NID1: variants seen among roughly 807,000 people sequenced by gnomAD.
NID1 encodes the protein nidogen 1, also known as nidogen-1.
NID1 carries 76 observed loss-of-function variants against 130.6 expected under a neutral mutation model. The ratio of observed to expected loss-of-function variants is 0.58; its 90% confidence interval spans 0.48 to 0.70. The LOEUF is 0.70. Among genes scored for constraint, NID1 ranks in the 30% least tolerant of loss-of-function variants. The probability of loss-of-function intolerance (pLI) is 0.00; values close to 1 mark genes in which losing one functional copy is unlikely to be tolerated. For missense variants in NID1, 1,517 were observed against 1,664.8 expected (o/e 0.91, Z 1.54); for synonymous variants, 665 against 675.1 (o/e 0.98, Z 0.23).
At chr1:236,006,903 G>A (rs1658264414) in intron 12 of NID1, among the ~76,000 whole-genome samples, 1 of 152,184 alleles carries the variant, frequency 6.6e-6, no homozygotes, top group African/African-American at 2.4e-5. Context: ...GAGAGAGGAG[G>A]AAGTGGAGGC....
At position 235,977,961 on chromosome 1, in the gene NID1, C is replaced by G; in HGVS notation, c.3650G>C (p.Gly1217Ala). Reference sequence around the variant, plus strand: ...GGCCAAGCATAGGTGGGTGCAGCCGCCATTGTTCACTGAGCAGTAGTTATG... The same window carrying G: ...GGCCAAGCATAGGTGGGTGCAGCCGGCATTGTTCACTGAGCAGTAGTTATG... ...QGHNYCSVNN[G>A]GCTHLCLATP... The change falls in exon 20 of 20, where the codon GGC (glycine) becomes GCC (alanine). Residue 1217 changes from glycine to alanine, a missense_variant. Gly to Ala is a moderately conservative substitution (Grantham distance 60). Transcript: ENST00000264187. 6.2e-7 allele frequency: 1 copy of G among 1,614,146 alleles called. No homozygotes were observed. Among genetic ancestry groups the G allele is most frequent in the Non-Finnish European group, 8.5e-7 (1 of 1,180,008 alleles).
At chr1:235,996,870 T>G (rs1012291476) in intron 12 of NID1, among the ~76,000 whole-genome samples, 2 of 152,114 alleles carry the variant, frequency 1.3e-5, no homozygotes, top group Non-Finnish European at 2.9e-5. Flanking sequence ...GTTTTGCTCT[T>G]GTTGCCTGGG....
Position 235,985,403 on chromosome 1 carries a change from C to G in NID1, c.3031G>C (p.Glu1011Gln), listed in dbSNP as rs1290256109. The part of the protein sequence containing the change: ...SIGRASLHGG[E>Q]PTTIIRQDLG... The stretch of plus-strand genomic sequence containing the variant: ...CCTTGTCTAATGATGGTGGTTGGCT[C>G]TCCACCATGTAGACTAGCTCTCCCA... The change falls in exon 15 of 20, where the codon GAG becomes CAG. Residue 1011 changes from glutamate (E) to glutamine (Q), a missense_variant. Glu to Gln is a conservative substitution (Grantham distance 29). Around this residue, in one of 3 missense-constraint regions of NID1, gnomAD observed 1,329 missense variants for 1,429.2 expected, o/e 0.93. Transcript: ENST00000264187. The G allele has an allele frequency of 6.2e-7, 1 of 1,614,054 alleles. No individual in the cohort carries two copies. The highest frequency in any genetic ancestry group is 2.2e-5 in the East Asian group (1 of 44,876).
At chr1:236,030,564 T>C (rs908145290) in intron 6 of NID1, among the ~76,000 whole-genome samples, 1 of 152,246 alleles carries the variant, frequency 6.6e-6, no homozygotes, top group Admixed American at 6.5e-5. Flanking sequence ...AACACAGCCA[T>C]GCTCATTCAT....
rs376836834 is a variant in NID1 at position 235,981,341 on chromosome 1, A to C, written c.3227+270T>G. ...CTGAGTGTTGATCCACATTGAAGCCATATGGAAAATATCCAATTTCTGAGC... is the reference window on the plus strand; with the variant it reads ...CTGAGTGTTGATCCACATTGAAGCCCTATGGAAAATATCCAATTTCTGAGC... On this transcript the variant is annotated intron_variant, in intron 16 of 19. Coordinates refer to ENST00000264187, the MANE Select transcript of NID1 (RefSeq NM_002508.3). Among the ~76,000 whole-genome samples the C allele has an allele frequency of 7.9e-5, 12 of 152,322 alleles. 1 individual carries two copies. In the East Asian group the frequency reaches 1.7e-3, roughly 22 times the overall value.
At chr1:236,052,930 A>G (rs1403252563) in intron 1 of NID1, among the ~76,000 whole-genome samples, 6 of 152,240 alleles carry the variant, frequency 3.9e-5, no homozygotes, top group Middle Eastern at 3.2e-3. Context: ...AATACAAATG[A>G]TCACAGAATG....
At chr1:236,062,589 GA>G (rs1287933094) in intron 1 of NID1, among the ~76,000 whole-genome samples, 1 of 134,732 alleles carries the variant, frequency 7.4e-6, no homozygotes, top group Admixed American at 7.8e-5. Flanking sequence ...AGCTAAGATT[GA>G]GCCACTGTAC....
At chr1:236,028,980 C>T (rs1156322272) in intron 7 of NID1, among the ~76,000 whole-genome samples, 1 of 152,076 alleles carries the variant, frequency 6.6e-6, no homozygotes, top group African/African-American at 2.4e-5. Context: ...AGTTCCAGAT[C>T]ACCCTGGCCT....
At chr1:236,016,522 A>G (rs1197119417) in intron 10 of NID1, among the ~76,000 whole-genome samples, 2 of 152,204 alleles carry the variant, frequency 1.3e-5, no homozygotes, top group Non-Finnish European at 2.9e-5. Flanking sequence ...AAAGTGCAGC[A>G]GGAGGAAAAA....
At chr1:236,053,365 C>T (rs796976789) in intron 1 of NID1, among the ~76,000 whole-genome samples, 14 of 152,276 alleles carry the variant, frequency 9.2e-5, no homozygotes, top group African/African-American at 3.4e-4. Context: ...TAGCTTGAAG[C>T]CACAGTATCC....
intron 3 of NID1, among the ~76,000 whole-genome samples, chr1:236,042,803 G>T (rs1223721078): frequency 8.6e-6 from 1 of 116,472 alleles, no homozygotes; most frequent in Non-Finnish European, 1.8e-5. Context: ...GTCTTTTGTA[G>T]GCTAATGAGT....
At position 235,998,911 on chromosome 1, in the gene NID1, GCTCAGAGA is replaced by G. The variant is rs558271713; in HGVS notation, c.2528-5047_2528-5040del. On this transcript the variant is annotated intron_variant, in intron 12 of 19. Coordinates refer to ENST00000264187, the MANE Select transcript of NID1 (RefSeq NM_002508.3). The stretch of plus-strand genomic sequence containing the variant: ...CTTCAGGCCACAGCACTGGTTGGTG[GCTCAGAGA>G]CTCCTTCAGGCCACAGCACTGGTTG... Among the ~76,000 whole-genome samples the G allele has an allele frequency of 9.3e-3, 1,412 of 152,170 alleles. 19 individuals carry two copies. Among genetic ancestry groups the G allele is most frequent in the African/African-American group, 0.032 (1,348 of 41,498 alleles).
chr1:236,058,740 A>G (rs1659965262), intron 1 of NID1, among the ~76,000 whole-genome samples: 1 of 152,230 alleles, frequency 6.6e-6, no homozygotes, highest in Non-Finnish European at 1.5e-5. Context: ...GAGCCTAGTA[A>G]CAGGCTGCTT....
At chr1:236,064,573 C>T in intron 1 of NID1, 1 of 399,426 alleles carries the variant, frequency 2.5e-6, no homozygotes, top group Non-Finnish European at 4.6e-6. Context: ...CAGCCCACAG[C>T]CGCCGGGGAG....
chr1:235,979,995 C>G lies in NID1; in HGVS notation c.3386-50G>C, dbSNP rs2102790927. ...TCATTGTTCACACAAGAAATGGCCC[C>G]TTTGTGCAAAAAAAACAAGAGTAAT... is the stretch of plus-strand genomic sequence containing the variant. On this transcript the variant is annotated intron_variant, in intron 17 of 19. Transcript: ENST00000264187. This position sits in a 1 kb window ranked among gnomAD's most constrained non-coding sequence, Gnocchi z 4.6. 3 of 1,589,896 alleles carry G rather than the reference C, an allele frequency of 1.9e-6. No individual in the cohort carries two copies. The highest frequency in any genetic ancestry group is 1.7e-4 in the Middle Eastern group (1 of 5,982).
chr1:235,976,791 T>C lies in NID1; in HGVS notation c.*1076A>G, dbSNP rs1427131693. 1 of 152,020 alleles carries C rather than the reference T, an allele frequency of 6.6e-6. No homozygotes were observed. Among genetic ancestry groups the C allele is most frequent in the African/African-American group, 2.4e-5 (1 of 41,368 alleles). 9.4% of individuals were successfully genotyped at this position (152,020 alleles called of 1,614,324 possible). ...GATTGTGTTGTTAGATAAGAATACA[T>C]CCAAAAAGGGCCACAGATCGAGGGA... On this transcript the variant is annotated 3_prime_UTR_variant, in exon 20 of 20. Transcript: ENST00000264187.
chr1:236,044,281 G>A (rs2102842042), intron 3 of NID1, among the ~76,000 whole-genome samples: 1 of 152,248 alleles, frequency 6.6e-6, no homozygotes, highest in African/African-American at 2.4e-5. Flanking sequence ...ATTAAACACA[G>A]CCATTCTAAA....
At chr1:236,034,353 CA>C (rs1411979850) in intron 5 of NID1, among the ~76,000 whole-genome samples, 1 of 144,030 alleles carries the variant, frequency 6.9e-6, no homozygotes, top group African/African-American at 2.6e-5. Flanking sequence ...ACACAGGAGG[CA>C]GAGGTTGCAG....
rs373777472 is a variant in NID1, at chr1:236,041,880, C to G, written c.1135+30G>C. On this transcript the variant is annotated intron_variant, in intron 4 of 19. Transcript: ENST00000264187. Reference sequence around the variant, plus strand: ...GTCTGGAAGCCCACACATCCAAGATCGTTACCAACTGCAACTTAAATGGTC... The same window carrying G: ...GTCTGGAAGCCCACACATCCAAGATGGTTACCAACTGCAACTTAAATGGTC... The G allele has an allele frequency of 5.7e-6, 9 of 1,576,742 alleles. No homozygotes were observed. The East Asian group carries it at 9.0e-5, about 16-fold the overall frequency.
Sources: gnomAD v4.1 joint callset for allele counts (sites outside exome capture counted in the v4.1 genomes callset) on GRCh38, gnomAD v4.1.1 for gene constraint, gnomAD v4.1.1 regional missense constraint, Gnocchi (gnomAD v3.1) non-coding constraint, MANE v1.5 for transcripts, NCBI Gene and HGNC (gene_info 2026-07-23, HGNC 2026-07-21) for gene names.